The following OCIAD1 variants were observed in gnomAD, a reference collection of about 807,000 sequenced individuals.
The protein encoded by OCIAD1 is OCIA domain-containing protein 1.
A neutral mutation model predicts 38.9 loss-of-function variants in OCIAD1; 29 were observed. The ratio of observed to expected loss-of-function variants is 0.74; its 90% CI spans 0.55 to 1.02. The LOEUF is 1.02. Among genes scored for constraint, OCIAD1 ranks in the 50% least tolerant of loss-of-function variants. The pLI is 0.00. For missense variants in OCIAD1, 288 were observed against 289.6 expected, an observed-to-expected ratio of 0.99 and a Z score of 0.04; for synonymous variants, 110 against 92.0, an observed-to-expected ratio of 1.20 and a Z score of -1.12.
chr4:48,831,177 G>T lies in OCIAD1; in HGVS notation c.-78G>T, dbSNP rs1186989256. On this transcript the variant is annotated 5_prime_UTR_variant, in exon 1 of 9. It introduces an in-frame stop codon into an upstream open reading frame of the 5' UTR. Coordinates refer to ENST00000264312, the MANE Select transcript of OCIAD1 (RefSeq NM_017830.4). The stretch of plus-strand genomic sequence containing the variant: ...CTTTTCTCCCTCCCTGCCCCCTCTC[G>T]AGTCCACCCTCCGGGCCTTCTGCCC... 6.5e-6 allele frequency: 2 copies of T among 305,786 alleles called. No individual in the cohort carries two copies. Among genetic ancestry groups the T allele is most frequent in the Non-Finnish European group, 1.3e-5 (2 of 152,412 alleles). 18.9% of individuals were successfully genotyped at this position (305,786 alleles called of 1,614,324 possible). A position where few individuals can be genotyped will look rare whatever the true frequency, so the allele number is the denominator to read the frequency against.
intron 1 of OCIAD1, among the ~76,000 whole-genome samples, chr4:48,810,918 C>T (rs1445002151): frequency 5.3e-5 from 7 of 132,342 alleles, no homozygotes; most frequent in Admixed American, 8.6e-5. Flanking sequence ...TTTTTTGAGA[C>T]GGAGTCTCAC....
intron 5 of OCIAD1, 75 bp from the exon 6 acceptor site, chr4:48,849,871 CA>C: frequency 5.3e-6 from 7 of 1,330,984 alleles, no homozygotes; most frequent in Non-Finnish European, 7.3e-6. Flanking sequence ...CACTTTAAAA[CA>C]AATTTTTCTT....
rs780091180 is a variant in OCIAD1, at chr4:48,848,388, CT to C, written c.194-7del. The C allele has an allele frequency of 7.2e-7, 1 of 1,390,702 alleles. No homozygotes were observed. The highest frequency in any genetic ancestry group is 1.0e-6 in the Non-Finnish European group (1 of 985,458). The allele number at this position is 1,390,702 out of a possible 1,614,324, so 86.1% of individuals were successfully genotyped here. On this transcript the variant is annotated splice_polypyrimidine_tract_variant and intron_variant, in intron 4 of 8. Coordinates refer to ENST00000264312, the MANE Select transcript of OCIAD1 (RefSeq NM_017830.4). The stretch of plus-strand genomic sequence containing the variant: ...CAGTGTTACTCAGAAATACTTAACT[CT>C]TTTCTTTAGGAATACTTTCAAGTCA...
rs770014607 is a variant in OCIAD1 at position 48,857,338 on chromosome 4, A to T, written c.673A>T (p.Met225Leu). 6.3e-7 allele frequency: 1 copy of T among 1,577,474 alleles called. No individual in the cohort carries two copies. Among genetic ancestry groups the T allele is most frequent in the Admixed American group, 1.8e-5 (1 of 54,510 alleles). ...TQKTDPSVRP[M>L]HERVPKKEVK... ...AAAGACTGACCCCTCAGTCAGGCCT[A>T]TGCATGAAAGAGTGCCAAAAAAAGA... The change falls in exon 8 of 9, where the codon ATG becomes TTG. Residue 225 changes from methionine (M) to leucine (L), a missense_variant. Coordinates refer to ENST00000264312, the MANE Select transcript of OCIAD1 (RefSeq NM_017830.4).
chr4:48,859,513 G>A (rs1272917789), intron 8 of OCIAD1, among the ~76,000 whole-genome samples: 1 of 152,156 alleles, frequency 6.6e-6, no homozygotes, highest in African/African-American at 2.4e-5. Context: ...TGGTAATAGA[G>A]GTTAAGAAAG....
At chr4:48,813,784 T>G (rs1777114840) in intron 1 of OCIAD1, among the ~76,000 whole-genome samples, 1 of 152,224 alleles carries the variant, frequency 6.6e-6, no homozygotes, top group Non-Finnish European at 1.5e-5. Context: ...TTGGCTTATG[T>G]CAAAGTTTTA....
intron 6 of OCIAD1, among the ~76,000 whole-genome samples, chr4:48,850,456 G>T (rs578187952): frequency 6.6e-6 from 1 of 152,140 alleles, no homozygotes; most frequent in Non-Finnish European, 1.5e-5. Context: ...ATGGAGATGG[G>T]GGTCTCACTA....
chr4:48,842,871 A>G (rs1463800286), intron 4 of OCIAD1, among the ~76,000 whole-genome samples, 182 bp downstream of exon 4: 1 of 152,218 alleles, frequency 6.6e-6, no homozygotes, highest in African/African-American at 2.4e-5. Context: ...TCATGACTTG[A>G]GAATTTCTCC....
upstream of OCIAD1, among the ~76,000 whole-genome samples, chr4:48,829,728 G>C (rs1255223825): frequency 1.3e-5 from 2 of 152,198 alleles, no homozygotes; most frequent in Non-Finnish European, 2.9e-5. Flanking sequence ...CCTGGGCCCA[G>C]AAGTAAATTA....
At chr4:48,825,308 T>C (rs1460994217) in intron 1 of OCIAD1, among the ~76,000 whole-genome samples, 1 of 151,996 alleles carries the variant, frequency 6.6e-6, no homozygotes, top group East Asian at 1.9e-4. Context: ...GCATCCAGGG[T>C]ATCTAGGGTA....
At chr4:48,814,339 T>C (rs950352913) in intron 1 of OCIAD1, among the ~76,000 whole-genome samples, 9 of 150,706 alleles carry the variant, frequency 6.0e-5, no homozygotes, top group Admixed American at 2.6e-4. Flanking sequence ...TTTTTTTTTT[T>C]CAAATATTTG....
At chr4:48,842,608 T>G (rs760544657) in intron 3 of OCIAD1, 28 bp from the exon 4 acceptor site, 1 of 1,499,250 alleles carries the variant, frequency 6.7e-7, no homozygotes, top group Non-Finnish European at 9.1e-7. Context: ...CTTTTGTTGA[T>G]GTTAACAAGG....
chr4:48,814,111 A>G (rs1579033725), intron 1 of OCIAD1, among the ~76,000 whole-genome samples: 1 of 152,132 alleles, frequency 6.6e-6, no homozygotes, highest in African/African-American at 2.4e-5. Context: ...AGTGTGTTCT[A>G]TAAGTGGCAA....
Position 48,860,823 on chromosome 4 carries a change from T to C in OCIAD1, c.*61T>C. On this transcript the variant is annotated 3_prime_UTR_variant, in exon 9 of 9. Transcript: ENST00000264312. The stretch of plus-strand genomic sequence containing the variant: ...TCCAGCTTCATCTAGGTGGTCATGA[T>C]TACCTGCATGCTTTGAGCTCAGCAG... The C allele has an allele frequency of 3.4e-6, 4 of 1,171,020 alleles. No homozygotes were observed. Among genetic ancestry groups the C allele is most frequent in the Non-Finnish European group, 3.8e-6 (3 of 780,630 alleles). 72.5% of individuals were successfully genotyped at this position (1,171,020 alleles called of 1,614,324 possible).
At position 48,850,052 on chromosome 4, in the gene OCIAD1, C is replaced by A. The variant is rs757365117; in HGVS notation, c.347C>A (p.Ser116Ter). ...ENSPLGEALRSGQARRSSPPG... is the reference protein window; with the variant it reads ...ENSPLGEALR ...TCCCCCCTTGGAGAAGCTTTACGAT[C>A]AGGACAAGCACGACGATCTTCACCA... Residue 116 changes from serine to a stop codon, truncating the protein, a stop_gained, in exon 6 of 9, where the codon TCA (serine) becomes TAA (stop). Coordinates refer to ENST00000264312, the MANE Select transcript of OCIAD1 (RefSeq NM_017830.4). LOFTEE classifies it high-confidence loss of function. The A allele has an allele frequency of 1.2e-6, 2 of 1,611,232 alleles. No individual in the cohort carries two copies. Among genetic ancestry groups the A allele is most frequent in the Non-Finnish European group, 1.7e-6 (2 of 1,179,402 alleles).
chr4:48,850,103 T>G, intron 6 of OCIAD1, 21 bp downstream of exon 6: 2 of 1,603,418 alleles, frequency 1.2e-6, no homozygotes, highest in African/African-American at 2.7e-5. Flanking sequence ...TTCTGATCTT[T>G]ACTTAAGATT....
upstream of OCIAD1, among the ~76,000 whole-genome samples, chr4:48,827,794 C>G (rs1310376310): frequency 1.3e-5 from 2 of 152,236 alleles, no homozygotes; most frequent in Admixed American, 1.3e-4. Context: ...TGGCGGGTAG[C>G]TCCACCTGCA....
chr4:48,818,734 C>T (rs1777164615), intron 1 of OCIAD1, among the ~76,000 whole-genome samples: 1 of 151,986 alleles, frequency 6.6e-6, no homozygotes, highest in Non-Finnish European at 1.5e-5. Context: ...ACATAAATGA[C>T]CTTATGGAGC....
intron 4 of OCIAD1, 38 bp from the exon 5 acceptor site, chr4:48,848,361 A>G: frequency 1.0e-6 from 1 of 1,000,414 alleles, no homozygotes; most frequent in South Asian, 1.4e-5. Flanking sequence ...TTCTTTCTGT[A>G]ACAGTGTTAC....
Sources: allele counts gnomAD v4.1 joint callset (sites outside exome capture counted in the v4.1 genomes callset), GRCh38; gene constraint gnomAD v4.1.1; transcripts MANE v1.5; gene names NCBI Gene and HGNC (gene_info 2026-07-23, HGNC 2026-07-21).